PSD: variants seen among roughly 807,000 people sequenced by gnomAD.
PSD encodes the protein PH and SEC7 domain-containing protein 1.
In PSD, 32 loss-of-function variants were observed where a neutral mutation model predicts 91.6. The ratio of observed to expected loss-of-function variants is 0.35; its 90% CI spans 0.26 to 0.47. The LOEUF is 0.47. Among genes scored for constraint, PSD ranks in the 20% least tolerant of loss-of-function variants. The pLI is 1.00. For synonymous variants in PSD, 532 were observed against 569.3 expected, an observed-to-expected ratio of 0.93 and a Z score of 0.93; for missense variants, 1,099 against 1,373.9, an observed-to-expected ratio of 0.80 and a Z score of 3.16.
rs1442622729 is a variant in PSD at position 102,405,178 on chromosome 10, C to T, written c.2397+5G>A. 1.4e-5 allele frequency: 22 copies of T among 1,610,966 alleles called. No homozygotes were observed. The East Asian group carries it at 2.0e-4, about 15-fold the overall frequency. On this transcript the variant is annotated splice_donor_5th_base_variant and intron_variant, in intron 13 of 16. Transcript: ENST00000020673. This position sits in a 1 kb window ranked among gnomAD's most constrained non-coding sequence, Gnocchi z 5.4. ...CAGCCCCAGCCCCCTGGCCTGACCC[C>T]GCACCTTCTGCAGGTAGAGGATCAT...
In PSD at chr10:102,404,939, G is replaced by A; in HGVS notation, c.2514C>T (p.Tyr838=). The stretch of plus-strand genomic sequence containing the variant: ...AGACCCGCCAGTCAGCTGTGCGCAG[G>A]TAGAAGACGTGGGGCCTCTTGCTGT... ...SDYSKRPHVF[Y]LRTADWRVFL... is the part of the protein sequence containing the mutation. Residue 838 remains tyrosine, a synonymous_variant, in exon 14 of 17, where the codon TAC becomes TAT. Coordinates refer to ENST00000020673, the MANE Select transcript of PSD (RefSeq NM_002779.5). The surrounding 1 kb of genome is among the most constrained non-coding windows in gnomAD (Gnocchi z 5.7). 1.2e-6 allele frequency: 2 copies of A among 1,614,060 alleles called. No homozygotes were observed. The highest frequency in any genetic ancestry group is 1.7e-6 in the Non-Finnish European group (2 of 1,179,974).
In PSD at chr10:102,414,773, A is replaced by G; in HGVS notation, c.1124+90T>C. ...CCAGCCCCACACCCATCTCTATCCC[A>G]GGCCCTTTGAGCCCGGCTCTGCCTG... is the stretch of plus-strand genomic sequence containing the variant. On this transcript the variant is annotated intron_variant, in intron 4 of 16. Coordinates refer to ENST00000020673, the MANE Select transcript of PSD (RefSeq NM_002779.5). The surrounding 1 kb of genome is among the most constrained non-coding windows in gnomAD (Gnocchi z 5.6). The G allele has an allele frequency of 6.9e-7, 1 of 1,452,068 alleles. No individual in the cohort carries two copies. Among genetic ancestry groups the G allele is most frequent in the Non-Finnish European group, 9.1e-7 (1 of 1,099,670 alleles). 89.9% of individuals were successfully genotyped at this position (1,452,068 alleles called of 1,614,324 possible). A position where few individuals can be genotyped will look rare whatever the true frequency, so the allele number is the denominator to read the frequency against.
intron 1 of PSD, among the ~76,000 whole-genome samples, chr10:102,417,630 A>G (rs2135462604): frequency 6.6e-6 from 1 of 152,102 alleles, no homozygotes; most frequent in Non-Finnish European, 1.5e-5. Context: ...GAGGCACAGC[A>G]TGGAAGTGGG....
In PSD at chr10:102,404,241, A is replaced by G. The variant is rs1430038994; in HGVS notation, c.2701-256T>C. On this transcript the variant is annotated intron_variant, in intron 15 of 16. Coordinates refer to ENST00000020673, the MANE Select transcript of PSD (RefSeq NM_002779.5). The surrounding 1 kb of genome is among the most constrained non-coding windows in gnomAD (Gnocchi z 5.7). ...CAGGTGCCTGTAGTCCCAGCTACTCAGGAGGCTGGGGCAGGAGAACGGCGT... is the reference window on the plus strand; with the variant it reads ...CAGGTGCCTGTAGTCCCAGCTACTCGGGAGGCTGGGGCAGGAGAACGGCGT... 1.3e-5 allele frequency among the ~76,000 whole-genome samples: 2 copies of G among 151,356 alleles called. No individual in the cohort carries two copies. The highest frequency in any genetic ancestry group is 2.9e-5 in the Non-Finnish European group (2 of 67,866).
upstream of PSD, chr10:102,419,674 G>C (rs1316373112): frequency 6.3e-6 from 1 of 157,858 alleles, no homozygotes; most frequent in African/African-American, 2.4e-5. This position sits in a 1 kb window ranked among gnomAD's most constrained non-coding sequence, Gnocchi z 4.8. Flanking sequence ...GGGGCGGCGC[G>C]GACTCCGCGT....
At position 102,417,059 on chromosome 10, in the gene PSD, T is replaced by TG; in HGVS notation, c.-22dup. On this transcript the variant is annotated 5_prime_UTR_variant, in exon 2 of 17. It removes the in-frame stop codon of an upstream open reading frame in the 5' UTR. Coordinates refer to ENST00000020673, the MANE Select transcript of PSD (RefSeq NM_002779.5). ...GCCATGCTGGGGCCGGGGGTCAGGCTGGGGGGGCAGGGATGGCGAGGCCAG... is the reference window on the plus strand; with the variant it reads ...GCCATGCTGGGGCCGGGGGTCAGGCTGGGGGGGGCAGGGATGGCGAGGCCAG... 4 of 1,052,470 alleles carry TG rather than the reference T, an allele frequency of 3.8e-6. No homozygotes were observed. The highest frequency in any genetic ancestry group is 4.8e-6 in the Non-Finnish European group (4 of 838,460). The allele number at this position is 1,052,470 out of a possible 1,614,324, so 65.2% of individuals were successfully genotyped here.
chr10:102,409,325 G>T lies in PSD; in HGVS notation c.2091+1533C>A. ...GGGGCGCCGACGGGAAAGGGAGGGC[G>T]AGGGCTGGGGGCGGGGACCGCATGA... On this transcript the variant is annotated intron_variant, in intron 10 of 16. Transcript: ENST00000020673. This position sits in a 1 kb window ranked among gnomAD's most constrained non-coding sequence, Gnocchi z 5.7. The T allele has an allele frequency of 3.0e-6, 3 of 985,354 alleles. No homozygotes were observed. The highest frequency in any genetic ancestry group is 3.6e-6 in the Non-Finnish European group (3 of 829,602). 61.0% of individuals were successfully genotyped at this position (985,354 alleles called of 1,614,324 possible).
chr10:102,412,634 C>T, intron 5 of PSD, 59 bp from the exon 6 acceptor site: 1 of 1,431,124 alleles, frequency 7.0e-7, no homozygotes, highest in Non-Finnish European at 9.5e-7. Flanking sequence ...CATCCAGACC[C>T]TCCTTCTGCC....
At chr10:102,413,628 A>C (rs1383396920) in intron 5 of PSD, 141 bp downstream of exon 5, 1 of 810,662 alleles carries the variant, frequency 1.2e-6, no homozygotes, top group East Asian at 2.6e-5. Context: ...CAAATAGGAA[A>C]ACAGGATCTG....
At chr10:102,417,208 G>C (rs2061491376) in intron 1 of PSD, 87 bp from the exon 2 acceptor site, 1 of 584,098 alleles carries the variant, frequency 1.7e-6, no homozygotes, top group Admixed American at 3.2e-5. Context: ...AAGTTGGCTA[G>C]GGCCTCTGAG....
Position 102,415,023 on chromosome 10 carries a change from C to T in PSD, c.964G>A (p.Glu322Lys), listed in dbSNP as rs1386599520. 6 of 1,612,306 alleles carry T rather than the reference C, an allele frequency of 3.7e-6. No individual in the cohort carries two copies. Among genetic ancestry groups the T allele is most frequent in the Non-Finnish European group, 5.1e-6 (6 of 1,178,716 alleles). ...DSAIESQPSS[E>K]GPPGTAYPPA... ...GGGTAGGCAGTGCCTGGTGGGCCCT[C>T]AGAGCTGGGCTGACTTTCGATGGCC... The change falls in exon 4 of 17, where the codon GAG (glutamate) becomes AAG (lysine). Residue 322 changes from glutamate to lysine, a missense_variant. This residue lies in a region of PSD where 631 missense variants were observed against 728.8 expected (regional missense o/e 0.87). Coordinates refer to ENST00000020673, the MANE Select transcript of PSD (RefSeq NM_002779.5).
rs918086863 is a variant in PSD, at chr10:102,403,302, G to A, written c.2973C>T (p.His991=). 2.5e-6 allele frequency: 4 copies of A among 1,614,080 alleles called. No individual in the cohort carries two copies. The highest frequency in any genetic ancestry group is 3.3e-5 in the Admixed American group (2 of 60,012). Residue 991 remains histidine, a synonymous_variant, in exon 17 of 17, where the codon CAC becomes CAT. Transcript: ENST00000020673. The surrounding 1 kb of genome is among the most constrained non-coding windows in gnomAD (Gnocchi z 6.7). ...GTTTGGGCTGCAGGGAGGGACTGGA[G>A]TGAGAAGGAGGGAGTCCATCCTCTG... is the stretch of plus-strand genomic sequence containing the variant. The part of the protein sequence containing the change: ...GSTEDGLPPS[H]SSPSLQPKPS...
chr10:102,408,880 C>A (rs1393651652), intron 10 of PSD: 2 of 986,790 alleles, frequency 2.0e-6, no homozygotes, highest in East Asian at 1.1e-4. Flanking sequence ...TGGGCCGCGG[C>A]CCCAACGCCC....
rs1408808255 is a variant in PSD, at chr10:102,414,210, G to A, written c.1125-13C>T. 6.3e-7 allele frequency: 1 copy of A among 1,589,074 alleles called. No homozygotes were observed. Among genetic ancestry groups the A allele is most frequent in the Admixed American group, 1.8e-5 (1 of 55,842 alleles). Reference sequence around the variant, plus strand: ...CCGGCTCCCTGGCCTGCAGGGGCAGGGAGAATCTCTGATTAGGGGCCCAGA... The same window carrying A: ...CCGGCTCCCTGGCCTGCAGGGGCAGAGAGAATCTCTGATTAGGGGCCCAGA... On this transcript the variant is annotated splice_polypyrimidine_tract_variant and intron_variant, in intron 4 of 16. Coordinates refer to ENST00000020673, the MANE Select transcript of PSD (RefSeq NM_002779.5). This position sits in a 1 kb window ranked among gnomAD's most constrained non-coding sequence, Gnocchi z 5.6.
chr10:102,405,781 A>T lies in PSD; in HGVS notation c.2136-245T>A, dbSNP rs1479146153. On this transcript the variant is annotated intron_variant, in intron 11 of 16. Coordinates refer to ENST00000020673, the MANE Select transcript of PSD (RefSeq NM_002779.5). This position sits in a 1 kb window ranked among gnomAD's most constrained non-coding sequence, Gnocchi z 5.4. ...CCACCACTGTCCCTTCCTCCCAGCA[A>T]GTAGGGCCAGCACTATCCTCTCCAT... 1.9e-6 allele frequency: 1 copy of T among 531,112 alleles called. No individual in the cohort carries two copies. The highest frequency in any genetic ancestry group is 3.1e-5 in the Admixed American group (1 of 31,802). 32.9% of individuals were successfully genotyped at this position (531,112 alleles called of 1,614,324 possible).
intron 1 of PSD, 91 bp downstream of exon 1, chr10:102,418,610 G>A: frequency 2.3e-6 from 1 of 430,646 alleles, no homozygotes; most frequent in Non-Finnish European, 4.8e-6. Flanking sequence ...GAGGTCAGGA[G>A]TAGCAACCCT....
Position 102,411,758 on chromosome 10 carries a change from G to A in PSD, c.1891C>T (p.His631Tyr). 6.2e-7 allele frequency: 1 copy of A among 1,613,820 alleles called. No homozygotes were observed. Among genetic ancestry groups the A allele is most frequent in the South Asian group, 1.1e-5 (1 of 91,004 alleles). The change falls in exon 8 of 17, where the codon CAC becomes TAC. Residue 631 changes from histidine (H) to tyrosine (Y), a missense_variant. Coordinates refer to ENST00000020673, the MANE Select transcript of PSD (RefSeq NM_002779.5). ...ETQERERVLAHFSQRYFQCNP... is the reference protein window; with the variant it reads ...ETQERERVLAYFSQRYFQCNP... ...CACTGGAAGTATCGCTGGGAGAAGTGGGCCAGCACGCGCTCTCGTTCCTGG... is the reference window on the plus strand; with the variant it reads ...CACTGGAAGTATCGCTGGGAGAAGTAGGCCAGCACGCGCTCTCGTTCCTGG...
chr10:102,403,062 T>C lies in PSD; in HGVS notation c.*138A>G, dbSNP rs1247586829. The stretch of plus-strand genomic sequence containing the variant: ...TGAGGCCCAGGCCCCAGCCCTGCCC[T>C]GCCCCGGACACCGCGTCCGGCGCGG... On this transcript the variant is annotated 3_prime_UTR_variant, in exon 17 of 17. Coordinates refer to ENST00000020673, the MANE Select transcript of PSD (RefSeq NM_002779.5). The surrounding 1 kb of genome is among the most constrained non-coding windows in gnomAD (Gnocchi z 6.7). 3 of 479,224 alleles carry C rather than the reference T, an allele frequency of 6.3e-6. No homozygotes were observed. The highest frequency in any genetic ancestry group is 4.6e-5 in the African/African-American group (2 of 43,468). 29.7% of individuals were successfully genotyped at this position (479,224 alleles called of 1,614,324 possible). A position where few individuals can be genotyped will look rare whatever the true frequency, so the allele number is the denominator to read the frequency against.
rs763613147 is a variant in PSD at position 102,416,401 on chromosome 10, G to T, written c.638C>A (p.Thr213Asn). The change falls in exon 2 of 17, where the codon ACT (threonine) becomes AAT (asparagine). Residue 213 changes from threonine to asparagine, a missense_variant. Coordinates refer to ENST00000020673, the MANE Select transcript of PSD (RefSeq NM_002779.5). This position sits in a 1 kb window ranked among gnomAD's most constrained non-coding sequence, Gnocchi z 6.0. Reference sequence around the variant, plus strand: ...GTTGCATACCTGGTTCAGGAATCCAGTGTCAGCAGGTCCTCCGAAGAGTGT... The same window carrying T: ...GTTGCATACCTGGTTCAGGAATCCATTGTCAGCAGGTCCTCCGAAGAGTGT... ...LATLFGGPAD[T>N]GFLNQGDTWS... 3 of 1,603,086 alleles carry T rather than the reference G, an allele frequency of 1.9e-6. No individual in the cohort carries two copies. The highest frequency in any genetic ancestry group is 2.2e-5 in the South Asian group (2 of 89,056).
Sources: allele counts gnomAD v4.1 joint callset (sites outside exome capture counted in the v4.1 genomes callset), GRCh38; gene constraint gnomAD v4.1.1; regional missense constraint gnomAD v4.1.1; non-coding constraint Gnocchi (gnomAD v3.1); transcripts MANE v1.5; gene names NCBI Gene and HGNC (gene_info 2026-07-23, HGNC 2026-07-21).